The following XYLT1 variants were observed in gnomAD, a reference collection of about 807,000 sequenced individuals.
The protein encoded by XYLT1 is beta-D-xylosyltransferase 1.
A neutral mutation model predicts 91.3 loss-of-function variants in XYLT1; 36 were observed. The observed-to-expected ratio is 0.39, with a 90% CI of 0.30 to 0.52. The LOEUF is 0.52. XYLT1 is among the 20% of genes least tolerant of loss of function. The pLI is 0.68. For missense variants in XYLT1, 1,242 were observed against 1,284.5 expected (o/e 0.97, Z 0.51); for synonymous variants, 588 against 532.0 (o/e 1.11, Z -1.45).
intron 2 of XYLT1, among the ~76,000 whole-genome samples, chr16:17,351,753 G>A (rs866089301): frequency 6.7e-6 from 1 of 149,808 alleles, no homozygotes; most frequent in East Asian, 1.9e-4. Flanking sequence ...TTTTTTTGGG[G>A]GGGGGTGCTT....
chr16:17,113,515 G>A (rs570069672), intron 11 of XYLT1, among the ~76,000 whole-genome samples: 35 of 152,284 alleles, frequency 2.3e-4, no homozygotes, highest in Non-Finnish European at 4.3e-4. Context: ...TTCTTACAAT[G>A]TTGGGCACTT....
rs575421394 is a variant in XYLT1, at chr16:17,180,049, A to T, written c.1289+18163T>A. The stretch of plus-strand genomic sequence containing the variant: ...CTTCTCTTGCAAATGGGGACAATGA[A>T]GGTCCCATCTCACCAGATGGCTGAG... On this transcript the variant is annotated intron_variant, in intron 5 of 11. Coordinates refer to ENST00000261381, the MANE Select transcript of XYLT1 (RefSeq NM_022166.4). 2.0e-3 allele frequency among the ~76,000 whole-genome samples: 307 copies of T among 152,322 alleles called. 1 individual carries two copies. The highest frequency in any genetic ancestry group is 7.2e-3 in the African/African-American group (298 of 41,574).
intron 1 of XYLT1, among the ~76,000 whole-genome samples, chr16:17,416,342 A>T (rs1466090727): frequency 6.6e-6 from 1 of 152,216 alleles, no homozygotes; most frequent in Non-Finnish European, 1.5e-5. Flanking sequence ...CGACCTCATT[A>T]GTGGAGAGGA....
chr16:17,337,278 C>T (rs1294687041), intron 2 of XYLT1, among the ~76,000 whole-genome samples: 1 of 152,122 alleles, frequency 6.6e-6, no homozygotes, highest in Non-Finnish European at 1.5e-5. Context: ...GCCTCCACCT[C>T]CTGGGTTCAA....
At chr16:17,383,752 C>CTTTTTTTTTTTTTTTTT (rs71373109) in intron 1 of XYLT1, among the ~76,000 whole-genome samples, 2 of 135,584 alleles carry the variant, frequency 1.5e-5, no homozygotes, top group Non-Finnish European at 3.2e-5. Context: ...GTGGAATTTT[C>CTTTTTTTTTTTTTTTTT]TTTTTTTTTT....
intron 2 of XYLT1, among the ~76,000 whole-genome samples, chr16:17,318,664 C>T (rs981763444): frequency 2.6e-5 from 4 of 152,090 alleles, no homozygotes; most frequent in Non-Finnish European, 5.9e-5. Context: ...ACTGAGTCTA[C>T]AGATGTATAT....
At chr16:17,320,912 TAAAATATAC>T (rs2034709181) in intron 2 of XYLT1, among the ~76,000 whole-genome samples, 1 of 151,934 alleles carries the variant, frequency 6.6e-6, no homozygotes, top group Non-Finnish European at 1.5e-5. Context: ...AGGACTTCGG[TAAAATATAC>T]GTAAGGCACT....
chr16:17,111,381 CA>C (rs1188950722), intron 11 of XYLT1, among the ~76,000 whole-genome samples: 1 of 152,082 alleles, frequency 6.6e-6, no homozygotes, highest in Non-Finnish European at 1.5e-5. Context: ...TTTTATTGCT[CA>C]GTAGAAGCAC....
In XYLT1 at chr16:17,404,100, TGG is replaced by T. The variant is rs11398247; in HGVS notation, c.364-46052_364-46051del. ...GTATGTGTGTGTGTCTATGTGTGGT[TGG>T]GGGGGGGGCTCAGGGAGGAGGTGTG... On this transcript the variant is annotated intron_variant, in intron 1 of 11. Coordinates refer to ENST00000261381, the MANE Select transcript of XYLT1 (RefSeq NM_022166.4). Among the ~76,000 whole-genome samples, 638 of 149,756 alleles carry T rather than the reference TGG, an allele frequency of 4.3e-3. 9 individuals are homozygous for T. The highest frequency in any genetic ancestry group is 0.014 in the African/African-American group (589 of 40,974).
intron 2 of XYLT1, among the ~76,000 whole-genome samples, chr16:17,313,309 G>C (rs539282399): frequency 6.6e-6 from 1 of 152,336 alleles, no homozygotes; most frequent in East Asian, 1.9e-4. Flanking sequence ...GCCCCTGGCT[G>C]CTGGGGCTGG....
intron 1 of XYLT1, among the ~76,000 whole-genome samples, chr16:17,362,235 C>G (rs2035393943): frequency 1.3e-5 from 2 of 152,078 alleles, no homozygotes; most frequent in African/African-American, 4.8e-5. Flanking sequence ...TTAACAAATA[C>G]CGTAATCTTT....
intron 1 of XYLT1, among the ~76,000 whole-genome samples, chr16:17,364,410 C>A (rs967742163): frequency 1.3e-5 from 2 of 152,196 alleles, no homozygotes; most frequent in Admixed American, 1.3e-4. Flanking sequence ...CCACTGACAT[C>A]ATGAGTTGTC....
chr16:17,340,761 G>A (rs2035054273), intron 2 of XYLT1, among the ~76,000 whole-genome samples: 1 of 152,182 alleles, frequency 6.6e-6, no homozygotes, highest in African/African-American at 2.4e-5. Flanking sequence ...TCCATGCACT[G>A]CACTTAGCAC....
chr16:17,332,569 C>CACAT (rs368643934), intron 2 of XYLT1, among the ~76,000 whole-genome samples: 3,949 of 41,780 alleles, frequency 0.095, 60 homozygotes, highest in East Asian at 0.14. Flanking sequence ...CACACACATA[C>CACAT]ACACACACAC....
chr16:17,136,650 C>A (rs576835308), intron 8 of XYLT1, among the ~76,000 whole-genome samples: 1 of 151,640 alleles, frequency 6.6e-6, no homozygotes, highest in African/African-American at 2.4e-5. Flanking sequence ...TCTCTGCCTG[C>A]GATTCCGACC....
At chr16:17,135,623 GCAAC>G (rs2030688932) in intron 8 of XYLT1, among the ~76,000 whole-genome samples, 1 of 151,312 alleles carries the variant, frequency 6.6e-6, no homozygotes, top group South Asian at 2.1e-4. Context: ...ACCACTGATA[GCAAC>G]CAAACTCTCA....
intron 2 of XYLT1, among the ~76,000 whole-genome samples, chr16:17,270,416 C>T (rs1458856521): frequency 6.6e-6 from 1 of 152,204 alleles, no homozygotes; most frequent in East Asian, 1.9e-4. Context: ...CAGTGACAGT[C>T]ACAGCGCTCA....
intron 1 of XYLT1, among the ~76,000 whole-genome samples, chr16:17,393,978 T>C (rs2035854047): frequency 6.6e-6 from 1 of 152,044 alleles, no homozygotes; most frequent in South Asian, 2.1e-4. Flanking sequence ...AGTTTCACCG[T>C]GTTAGCCAGG....
In XYLT1 at chr16:17,382,646, G is replaced by T. The variant is rs192145477; in HGVS notation, c.364-24596C>A. Reference sequence around the variant, plus strand: ...GGGAGATGAACTTGGCCCTACAGAGGAGCCAGTGTAACTGCCTCTGAATGC... The same window carrying T: ...GGGAGATGAACTTGGCCCTACAGAGTAGCCAGTGTAACTGCCTCTGAATGC... On this transcript the variant is annotated intron_variant, in intron 1 of 11. Transcript: ENST00000261381. Among the ~76,000 whole-genome samples the T allele has an allele frequency of 4.9e-4, 74 of 151,890 alleles. 1 individual carries two copies. Among genetic ancestry groups the T allele is most frequent in the East Asian group, 4.0e-3 (20 of 5,008 alleles).
Sources: allele counts gnomAD v4.1 joint callset (sites outside exome capture counted in the v4.1 genomes callset), GRCh38; gene constraint gnomAD v4.1.1; transcripts MANE v1.5; gene names NCBI Gene and HGNC (gene_info 2026-07-23, HGNC 2026-07-21).